The following CHCHD6 variants were observed in gnomAD, a reference collection of about 807,000 sequenced individuals.
CHCHD6 encodes MICOS complex subunit MIC25.
Under a neutral mutation model 32.3 loss-of-function variants are expected in CHCHD6, and 28 were observed. That is an observed-to-expected ratio of 0.87 (90% CI 0.64 to 1.19). CHCHD6 has a LOEUF of 1.19. Ranked by LOEUF, CHCHD6 falls within the 50% of genes most tolerant of loss-of-function variation. The probability of loss-of-function intolerance (pLI) is 0.00; values close to 1 mark genes in which losing one functional copy is unlikely to be tolerated. For synonymous variants in CHCHD6, 122 were observed against 117.5 expected (o/e 1.04, Z -0.25); for missense variants, 333 against 307.0 (o/e 1.08, Z -0.63).
intron 1 of CHCHD6, among the ~76,000 whole-genome samples, chr3:126,718,832 C>T (rs1935144721): frequency 6.6e-6 from 1 of 152,116 alleles, no homozygotes; most frequent in Non-Finnish European, 1.5e-5. Flanking sequence ...GGACCACTGC[C>T]CAGATGGTGT....
chr3:126,880,950 G>A (rs909956076), intron 5 of CHCHD6, among the ~76,000 whole-genome samples: 1 of 152,198 alleles, frequency 6.6e-6, no homozygotes, highest in African/African-American at 2.4e-5. Flanking sequence ...TGGTCCTTGG[G>A]ATCCCCAAAG....
chr3:126,721,397 G>A (rs1935285796), intron 1 of CHCHD6, among the ~76,000 whole-genome samples: 1 of 152,154 alleles, frequency 6.6e-6, no homozygotes, highest in African/African-American at 2.4e-5. Context: ...AGACATCGCT[G>A]CCGTCCCGCC....
intron 6 of CHCHD6, among the ~76,000 whole-genome samples, chr3:126,952,870 G>A (rs912030164): frequency 1.3e-5 from 2 of 152,112 alleles, no homozygotes; most frequent in Non-Finnish European, 2.9e-5. Flanking sequence ...CCGACAGGGT[G>A]GGGGCTCTGG....
At chr3:126,823,384 G>A (rs945340337) in intron 4 of CHCHD6, among the ~76,000 whole-genome samples, 3 of 152,044 alleles carry the variant, frequency 2.0e-5, no homozygotes, top group Non-Finnish European at 2.9e-5. Context: ...TTCATTATAT[G>A]TATATCCATT....
At chr3:126,890,633 C>G (rs1434601943) in intron 5 of CHCHD6, among the ~76,000 whole-genome samples, 1 of 152,212 alleles carries the variant, frequency 6.6e-6, no homozygotes, top group Admixed American at 6.5e-5. Context: ...TAAGAGTCCA[C>G]TTGAACAACA....
chr3:126,839,908 A>G (rs1350633527), intron 4 of CHCHD6, among the ~76,000 whole-genome samples: 1 of 152,078 alleles, frequency 6.6e-6, no homozygotes, highest in African/African-American at 2.4e-5. Flanking sequence ...AGTTTAGGAC[A>G]TTTTCATCAC....
At chr3:126,719,607 A>G (rs1166932670) in intron 1 of CHCHD6, among the ~76,000 whole-genome samples, 3 of 152,202 alleles carry the variant, frequency 2.0e-5, no homozygotes, top group Non-Finnish European at 4.4e-5. Context: ...TAAGGTTTAC[A>G]GTTGCTGGTG....
At chr3:126,721,365 C>G (rs961723873) in intron 1 of CHCHD6, among the ~76,000 whole-genome samples, 3 of 152,194 alleles carry the variant, frequency 2.0e-5, no homozygotes. Context: ...CTGCCCTAGG[C>G]TATGAAGCTT....
chr3:126,707,955 T>C (rs1352666236), intron 1 of CHCHD6, among the ~76,000 whole-genome samples: 1 of 152,190 alleles, frequency 6.6e-6, no homozygotes, highest in Non-Finnish European at 1.5e-5. Context: ...GAGGACCCTG[T>C]CATCATAGAG....
chr3:126,949,457 C>T (rs778492947), intron 6 of CHCHD6: 29 of 206,874 alleles, frequency 1.4e-4, no homozygotes, highest in African/African-American at 2.0e-4. Flanking sequence ...CTGCTGTGGA[C>T]GAAAGGGAAG....
At chr3:126,746,680 T>G (rs1304372470) in intron 4 of CHCHD6, among the ~76,000 whole-genome samples, 1 of 152,200 alleles carries the variant, frequency 6.6e-6, no homozygotes, top group Non-Finnish European at 1.5e-5. Context: ...ATGTCACATG[T>G]GTGGAATTTC....
At chr3:126,776,125 CT>C (rs1219723132) in intron 4 of CHCHD6, among the ~76,000 whole-genome samples, 5 of 152,130 alleles carry the variant, frequency 3.3e-5, no homozygotes, top group African/African-American at 1.2e-4. Context: ...ATTGGCTGTG[CT>C]TCTGGTTGTC....
chr3:126,914,027 G>T (rs1216692097), intron 5 of CHCHD6, among the ~76,000 whole-genome samples: 5 of 152,238 alleles, frequency 3.3e-5, no homozygotes, highest in Non-Finnish European at 7.3e-5. Context: ...TTAAGTGTGT[G>T]CCTGTGGATG....
At chr3:126,813,359 T>A (rs984844904) in intron 4 of CHCHD6, among the ~76,000 whole-genome samples, 1 of 152,246 alleles carries the variant, frequency 6.6e-6, no homozygotes, top group Non-Finnish European at 1.5e-5. Context: ...TTCCTGCTGT[T>A]GTTTTTAAAT....
chr3:126,866,879 T>C (rs761837192), intron 5 of CHCHD6, among the ~76,000 whole-genome samples: 6 of 152,248 alleles, frequency 3.9e-5, no homozygotes, highest in Admixed American at 2.0e-4. Context: ...TACAATGTTA[T>C]TATCTTGCCT....
intron 6 of CHCHD6, among the ~76,000 whole-genome samples, chr3:126,936,942 CT>C (rs1290138690): frequency 6.6e-6 from 1 of 152,202 alleles, no homozygotes; most frequent in African/African-American, 2.4e-5. Flanking sequence ...CTATTGGTCC[CT>C]TCCCTCCTTC....
intron 4 of CHCHD6, chr3:126,766,534 G>A (rs1476640614): frequency 3.3e-6 from 3 of 906,832 alleles, no homozygotes; most frequent in Non-Finnish European, 1.8e-6. Context: ...GTAGCCCATG[G>A]TGACCTCTGA....
intron 1 of CHCHD6, among the ~76,000 whole-genome samples, chr3:126,723,701 G>A (rs1251299064): frequency 6.6e-6 from 1 of 152,128 alleles, no homozygotes; most frequent in Non-Finnish European, 1.5e-5. Flanking sequence ...TCTATCTGTT[G>A]GATGTTTATG....
intron 5 of CHCHD6, among the ~76,000 whole-genome samples, chr3:126,854,303 G>A (rs1315211676): frequency 1.3e-5 from 2 of 152,108 alleles, no homozygotes; most frequent in East Asian, 3.9e-4. Flanking sequence ...AGAAGGAGGT[G>A]CAAAAGCATG....
Sources: gnomAD v4.1 joint callset for allele counts (sites outside exome capture counted in the v4.1 genomes callset) on GRCh38, gnomAD v4.1.1 for gene constraint, MANE v1.5 for transcripts, NCBI Gene and HGNC (gene_info 2026-07-23, HGNC 2026-07-21) for gene names.